Variants in EML6 observed in about 807,000 individuals in gnomAD.
EML6 encodes echinoderm microtubule-associated protein-like 6.
In EML6, 154 loss-of-function variants were observed where a neutral mutation model predicts 240.1. The observed-to-expected ratio is 0.64, with a 90% CI of 0.56 to 0.73. The LOEUF (loss-of-function observed/expected upper bound fraction) is 0.73. EML6 is among the 30% of genes least tolerant of loss of function. The pLI is 0.00. For missense variants in EML6, 2,964 were observed against 2,474.6 expected (o/e 1.20, Z -4.20); for synonymous variants, 1,148 against 899.0 (o/e 1.28, Z -4.95).
intron 2 of EML6, among the ~76,000 whole-genome samples, chr2:54,783,728 G>C (rs558970291): frequency 6.6e-6 from 1 of 152,188 alleles, no homozygotes; most frequent in South Asian, 2.1e-4. Flanking sequence ...TTAAAAATGA[G>C]ATTAAAATAA....
At chr2:54,728,322 T>C (rs993243694) in intron 2 of EML6, among the ~76,000 whole-genome samples, 5 of 152,212 alleles carry the variant, frequency 3.3e-5, no homozygotes, top group Admixed American at 6.5e-5. Context: ...ACATTCATCC[T>C]CTGTTACTTC....
chr2:54,813,590 T>A (rs1667956280), intron 3 of EML6, among the ~76,000 whole-genome samples, 199 bp downstream of exon 3: 1 of 152,110 alleles, frequency 6.6e-6, no homozygotes, highest in African/African-American at 2.4e-5. Flanking sequence ...TGGTTTTTGT[T>A]CCCCTAGTCC....
intron 32 of EML6, among the ~76,000 whole-genome samples, chr2:54,955,758 G>A (rs1401430567): frequency 3.3e-5 from 5 of 152,192 alleles, no homozygotes; most frequent in Admixed American, 3.3e-4. Flanking sequence ...AAGCTCCCGA[G>A]GAAAAGAGGA....
intron 7 of EML6, among the ~76,000 whole-genome samples, chr2:54,838,421 A>G (rs928478315): frequency 6.6e-6 from 1 of 152,252 alleles, no homozygotes; most frequent in African/African-American, 2.4e-5. Context: ...GGAGGAACTA[A>G]CGATATGAAT....
intron 7 of EML6, among the ~76,000 whole-genome samples, chr2:54,837,455 C>CA (rs1246297682): frequency 6.6e-6 from 1 of 152,050 alleles, no homozygotes; most frequent in East Asian, 1.9e-4. Flanking sequence ...CCTAAGCACT[C>CA]ACGGGCACTC....
intron 17 of EML6, 59 bp from the exon 18 acceptor site, chr2:54,890,995 A>G (rs1385607677): frequency 9.8e-6 from 8 of 819,994 alleles, no homozygotes; most frequent in Non-Finnish European, 1.5e-5. Context: ...CATGCTTTTA[A>G]TAAAACTGTT....
intron 15 of EML6, 62 bp downstream of exon 15, chr2:54,869,429 T>C (rs1300987012): frequency 3.1e-6 from 4 of 1,272,530 alleles, no homozygotes; most frequent in Non-Finnish European, 4.3e-6. Flanking sequence ...GAATTCAGTT[T>C]ACATATTAGA....
chr2:54,959,791 C>T (rs11125553), intron 34 of EML6, among the ~76,000 whole-genome samples: 43,099 of 151,938 alleles, frequency 0.28, 7,512 homozygotes, highest in East Asian at 0.56. Flanking sequence ...AAAAGAAAAT[C>T]TTGAGAGGTA....
chr2:54,929,647 A>C (rs890194364), intron 28 of EML6, among the ~76,000 whole-genome samples: 1 of 152,070 alleles, frequency 6.6e-6, no homozygotes, highest in Non-Finnish European at 1.5e-5. Flanking sequence ...AGTCTGACCT[A>C]TCACTTCTTA....
chr2:54,788,482 G>C (rs555414947), intron 2 of EML6, among the ~76,000 whole-genome samples: 2 of 152,200 alleles, frequency 1.3e-5, no homozygotes, highest in African/African-American at 2.4e-5. Flanking sequence ...GCTGGGAAAA[G>C]AGGTATTCTG....
intron 38 of EML6, chr2:54,966,646 G>A (rs761330526): frequency 3.6e-5 from 6 of 164,850 alleles, no homozygotes; most frequent in Non-Finnish European, 8.0e-5. Flanking sequence ...AGAGACTGCT[G>A]GGCCCCACCC....
At chr2:54,952,827 C>G (rs1676049175) in intron 31 of EML6, 135 bp downstream of exon 31, 2 of 638,424 alleles carry the variant, frequency 3.1e-6, no homozygotes, top group Non-Finnish European at 5.6e-6. Context: ...TTTTTTGAGT[C>G]CTGAGTGTAT....
At chr2:54,892,756 C>G in intron 19 of EML6, 100 bp downstream of exon 19, 1 of 824,900 alleles carries the variant, frequency 1.2e-6, no homozygotes, top group East Asian at 2.7e-5. Context: ...TAAAACAGGC[C>G]TGTCTGAATT....
chr2:54,811,640 C>G (rs1425460356), intron 2 of EML6, among the ~76,000 whole-genome samples: 2 of 152,216 alleles, frequency 1.3e-5, no homozygotes, highest in African/African-American at 4.8e-5. Flanking sequence ...CCACAAGGGC[C>G]TGTTGAATAA....
intron 2 of EML6, among the ~76,000 whole-genome samples, chr2:54,769,949 C>T (rs911843000): frequency 2.0e-5 from 3 of 152,160 alleles, no homozygotes; most frequent in African/African-American, 7.2e-5. Flanking sequence ...TCTTTGTAGG[C>T]CTTTTTCTAA....
Position 54,820,404 on chromosome 2 carries a change from T to C in EML6, c.467T>C (p.Ile156Thr), listed in dbSNP as rs1331506444. 2.6e-6 allele frequency: 4 copies of C among 1,549,212 alleles called. No homozygotes were observed. Among genetic ancestry groups the C allele is most frequent in the East Asian group, 2.4e-5 (1 of 40,872 alleles). ...ATGHSDRIFD[I>T]SWDPYQPNRV... ...TAATGTTTTGAACAGATTTTTGATA[T>C]TTCCTGGGATCCATATCAGCCAAAC... The change falls in exon 5 of 42, where the codon ATT becomes ACT. Residue 156 changes from isoleucine to threonine, a missense_variant. By Grantham distance (89) the Ile-to-Thr change is moderately conservative (BLOSUM62 -1). Transcript: ENST00000356458.
At chr2:54,880,740 C>T (rs891927196) in intron 17 of EML6, 11 of 152,164 alleles carry the variant, frequency 7.2e-5, no homozygotes, top group African/African-American at 2.7e-4. Context: ...GATTCAGCTT[C>T]TCATCAGAAC....
At chr2:54,863,462 A>C (rs1670791101) in intron 12 of EML6, among the ~76,000 whole-genome samples, 1 of 152,096 alleles carries the variant, frequency 6.6e-6, no homozygotes, top group South Asian at 2.1e-4. Flanking sequence ...AGGAGGTTGT[A>C]GTGAGCTGAG....
chr2:54,962,686 C>T lies in EML6; in HGVS notation c.5132C>T (p.Ala1711Val), dbSNP rs1676574496. The T allele has an allele frequency of 6.6e-7, 1 of 1,504,922 alleles. No homozygotes were observed. Among genetic ancestry groups the T allele is most frequent in the Non-Finnish European group, 8.9e-7 (1 of 1,123,978 alleles). The allele number at this position is 1,504,922 out of a possible 1,614,324, so 93.2% of individuals were successfully genotyped here. ...ATCTCTGCCAGCAACGATGGCACAG[C>T]CCGGATCTGGGACCTGGCTGACAAG... ...LFISASNDGT[A>V]RIWDLADKKL... is the part of the protein sequence containing the mutation. Residue 1711 changes from alanine (A) to valine (V), a missense_variant, in exon 36 of 42, where the codon GCC becomes GTC. By Grantham distance (64) the Ala-to-Val change is moderately conservative (BLOSUM62 0). Coordinates refer to ENST00000356458, the MANE Select transcript of EML6 (RefSeq NM_001039753.4).
Sources: gnomAD v4.1 joint callset for allele counts (sites outside exome capture counted in the v4.1 genomes callset) on GRCh38, gnomAD v4.1.1 for gene constraint, MANE v1.5 for transcripts, NCBI Gene and HGNC (gene_info 2026-07-23, HGNC 2026-07-21) for gene names.